Variants in CYP4F3 observed in about 807,000 individuals in gnomAD.
CYP4F3 encodes cytochrome P450 family 4 subfamily F member 3, also known as cytochrome P450 4F3.
In CYP4F3, 50 loss-of-function variants were observed where a neutral mutation model predicts 54.8. The ratio of observed to expected loss-of-function variants is 0.91; its 90% CI spans 0.73 to 1.16. CYP4F3 has a LOEUF of 1.16. Ranked by LOEUF, CYP4F3 falls within the 50% of genes most tolerant of loss-of-function variation. The pLI is 0.00. For synonymous variants in CYP4F3, 244 were observed against 262.6 expected (o/e 0.93, Z 0.69); for missense variants, 715 against 676.2 (o/e 1.06, Z -0.64).
At position 15,658,795 on chromosome 19, in the gene CYP4F3, C is replaced by A. The variant is rs149597626; in HGVS notation, c.1383C>A (p.Phe461Leu). 1.9e-3 allele frequency: 3,103 copies of A among 1,614,114 alleles called. 6 individuals carry two copies. Among genetic ancestry groups the A allele is most frequent in the Non-Finnish European group, 2.3e-3 (2,767 of 1,179,992 alleles). The part of the protein sequence containing the change: ...KERSPLAFIP[F>L]SAGPRNCIGQ... ...GGTCACCTCTGGCTTTTATTCCCTT[C>A]TCAGCAGGGCCCAGGTAAGAGCGGC... Residue 461 changes from phenylalanine (F) to leucine (L), a missense_variant, in exon 12 of 13, where the codon TTC becomes TTA. Phe to Leu is a conservative substitution (Grantham distance 22). Transcript: ENST00000221307.
chr19:15,653,771 A>AGT (rs967700359), intron 9 of CYP4F3, among the ~76,000 whole-genome samples: 12 of 146,182 alleles, frequency 8.2e-5, no homozygotes, highest in Admixed American at 2.0e-4. Context: ...AGAGAGAGAG[A>AGT]GAGAGAGAGA....
chr19:15,652,178 C>A (rs1429023558), intron 7 of CYP4F3, among the ~76,000 whole-genome samples: 3 of 152,162 alleles, frequency 2.0e-5, no homozygotes, highest in African/African-American at 7.2e-5. Flanking sequence ...AGATAAGATT[C>A]ATTTACCACT....
At chr19:15,641,351 C>T in intron 1 of CYP4F3, 64 bp from the exon 2 acceptor site, 5 of 1,591,504 alleles carry the variant, frequency 3.1e-6, no homozygotes, top group Non-Finnish European at 4.3e-6. Context: ...TCCACTGTCC[C>T]TGGAGCTCCC....
chr19:15,641,398 C>G lies in CYP4F3; in HGVS notation c.-1-17C>G. Reference sequence around the variant, plus strand: ...CTGGGCCTCAGGACCTCACTCACCACCCCATCTGCCCTGCAGGATGCCACA... The same window carrying G: ...CTGGGCCTCAGGACCTCACTCACCAGCCCATCTGCCCTGCAGGATGCCACA... On this transcript the variant is annotated splice_polypyrimidine_tract_variant and intron_variant, in intron 1 of 12. Coordinates refer to ENST00000221307, the MANE Select transcript of CYP4F3 (RefSeq NM_000896.3). 1 of 1,613,602 alleles carries G rather than the reference C, an allele frequency of 6.2e-7. No homozygotes were observed. Among genetic ancestry groups the G allele is most frequent in the South Asian group, 1.1e-5 (1 of 91,062 alleles).
intron 9 of CYP4F3, among the ~76,000 whole-genome samples, chr19:15,657,268 C>G (rs1973052587): frequency 1.3e-5 from 2 of 152,180 alleles, no homozygotes; most frequent in Admixed American, 1.3e-4. Flanking sequence ...CTCTGAAGTG[C>G]AATTGCTGAA....
chr19:15,649,798 T>A, intron 6 of CYP4F3, 115 bp from the exon 7 acceptor site: 1 of 1,437,370 alleles, frequency 7.0e-7, no homozygotes, highest in Non-Finnish European at 9.5e-7. Flanking sequence ...AGGGGCCATC[T>A]GTTCCTGGAT....
chr19:15,656,941 C>T (rs1434370727), intron 9 of CYP4F3, among the ~76,000 whole-genome samples: 2 of 151,940 alleles, frequency 1.3e-5, no homozygotes, highest in Admixed American at 6.6e-5. Context: ...TATTTTATTC[C>T]ATATTTTATT....
chr19:15,648,115 G>T (rs1302155538), intron 5 of CYP4F3, among the ~76,000 whole-genome samples: 1 of 152,056 alleles, frequency 6.6e-6, no homozygotes, highest in Non-Finnish European at 1.5e-5. Context: ...TGGGGCGAAG[G>T]TTTTGTGAAG....
At chr19:15,657,446 C>G (rs532119258) in intron 9 of CYP4F3, among the ~76,000 whole-genome samples, 2 of 152,266 alleles carry the variant, frequency 1.3e-5, no homozygotes, top group Admixed American at 1.3e-4. Context: ...GGTGCCCCCC[C>G]ACCATGCCTG....
In CYP4F3 at chr19:15,662,283, A is replaced by AAAAAAAAC. The variant is rs1973199159; in HGVS notation, c.*2905_*2906insCAAAAAAA. 1 of 149,020 alleles carries AAAAAAAAC rather than the reference A, an allele frequency of 6.7e-6. No individual in the cohort carries two copies. Among genetic ancestry groups the AAAAAAAAC allele is most frequent in the Non-Finnish European group, 1.5e-5 (1 of 67,654 alleles). The allele number at this position is 149,020 out of a possible 1,614,324, so 9.2% of individuals were successfully genotyped here. ...TAGATTCTCTCTCTCAAAAAAAAAA[A>AAAAAAAAC]AAAAAAAAAGGAAAGAAAGAAAGAA... On this transcript the variant is annotated 3_prime_UTR_variant, in exon 13 of 13. Coordinates refer to ENST00000221307, the MANE Select transcript of CYP4F3 (RefSeq NM_000896.3).
chr19:15,658,240 A>G (rs771820320), intron 9 of CYP4F3, 24 bp from the exon 10 acceptor site: 2 of 1,612,374 alleles, frequency 1.2e-6, no homozygotes, highest in Non-Finnish European at 8.5e-7. Flanking sequence ...CTTGATAAGG[A>G]TTGGGGCTGG....
At position 15,652,848 on chromosome 19, in the gene CYP4F3, C is replaced by T. The variant is rs1386468090; in HGVS notation, c.1011C>T (p.Leu337=). The T allele has an allele frequency of 1.2e-6, 2 of 1,613,608 alleles. No individual in the cohort carries two copies. Among genetic ancestry groups the T allele is most frequent in the Admixed American group, 1.7e-5 (1 of 59,962 alleles). The part of the protein sequence containing the change: ...FEGHDTTASG[L]SWVLYHLAKH... ...GCCATGACACCACAGCCAGTGGTCT[C>T]TCCTGGGTCCTGTACCACCTTGCAA... is the stretch of plus-strand genomic sequence containing the variant. Residue 337 remains leucine, a synonymous_variant, in exon 9 of 13, where the codon CTC becomes CTT. Coordinates refer to ENST00000221307, the MANE Select transcript of CYP4F3 (RefSeq NM_000896.3).
At position 15,647,591 on chromosome 19, in the gene CYP4F3, A is replaced by C. The variant is rs184524993; in HGVS notation, c.525+267A>C. ...ACCCTGTAAACTCAAGAGGGTAATG[A>C]CAACAATTGCATAATAGCTGTTGCT... On this transcript the variant is annotated intron_variant, in intron 5 of 12. Transcript: ENST00000221307. Among the ~76,000 whole-genome samples the C allele has an allele frequency of 1.5e-4, 23 of 152,354 alleles. No homozygotes were observed. In the East Asian group the frequency reaches 4.4e-3, roughly 29 times the overall value.
chr19:15,650,357 C>T, intron 7 of CYP4F3, 174 bp downstream of exon 7: 2 of 1,247,012 alleles, frequency 1.6e-6, no homozygotes, highest in Non-Finnish European at 2.3e-6. Flanking sequence ...CTAGCACCTA[C>T]CAGGGGACTG....
chr19:15,647,089 C>T lies in CYP4F3; in HGVS notation c.381C>T (p.Phe127=). ...CAAAGGACAAGGTCTTCTACAGCTT[C>T]CTGAAGCCCTGGCTGGGTGAGTATC... ...IVPKDKVFYS[F]LKPWLGDGLL... The change falls in exon 4 of 13, where the codon TTC becomes TTT. Residue 127 remains phenylalanine (F), a synonymous_variant. Coordinates refer to ENST00000221307, the MANE Select transcript of CYP4F3 (RefSeq NM_000896.3). 7 of 1,613,930 alleles carry T rather than the reference C, an allele frequency of 4.3e-6. No homozygotes were observed. In the South Asian group the frequency reaches 4.4e-5, roughly 10 times the overall value.
Position 15,641,609 on chromosome 19 carries a change from G to A in CYP4F3, c.194G>A (p.Gly65Asp), listed in dbSNP as rs1214807127. ...CGGAATTGGTTCTTGGGTCACCTGG[G>A]CCTGGTGAGTGTGGCAGCAGGACGG... ...PKRNWFLGHL[G>D]LIHSSEEGLL... Residue 65 changes from glycine to aspartate, a missense_variant, in exon 2 of 13, where the codon GGC becomes GAC. Coordinates refer to ENST00000221307, the MANE Select transcript of CYP4F3 (RefSeq NM_000896.3). The A allele has an allele frequency of 1.2e-6, 2 of 1,613,906 alleles. No individual in the cohort carries two copies. The highest frequency in any genetic ancestry group is 1.7e-5 in the Admixed American group (1 of 59,992).
chr19:15,643,013 G>A (rs2144630420), intron 2 of CYP4F3, among the ~76,000 whole-genome samples: 1 of 151,940 alleles, frequency 6.6e-6, no homozygotes, highest in South Asian at 2.1e-4. Context: ...TAGATGGATG[G>A]ATAGATAGCT....
rs191642591 is a variant in CYP4F3, at chr19:15,650,399, C to T, written c.918+216C>T. On this transcript the variant is annotated intron_variant, in intron 7 of 12. Transcript: ENST00000221307. ...GAAATTGTGATGAGTCTGAGATTTA[C>T]TCTATTTATAAGTTAATAAGCTAAT... 4.2e-4 allele frequency: 385 copies of T among 906,760 alleles called. 2 individuals are homozygous for T. The East Asian group carries it at 7.6e-3, about 18-fold the overall frequency. The allele number at this position is 906,760 out of a possible 1,614,324, so 56.2% of individuals were successfully genotyped here.
intron 3 of CYP4F3, among the ~76,000 whole-genome samples, chr19:15,646,715 C>T (rs1389834226): frequency 1.3e-5 from 2 of 152,092 alleles, no homozygotes; most frequent in African/African-American, 4.8e-5. Context: ...ACAGGGTGTC[C>T]TAAGTCCTTG....
Sources: allele counts gnomAD v4.1 joint callset (sites outside exome capture counted in the v4.1 genomes callset), GRCh38; gene constraint gnomAD v4.1.1; transcripts MANE v1.5; gene names NCBI Gene and HGNC (gene_info 2026-07-23, HGNC 2026-07-21).